KIF22: variants seen among roughly 807,000 people sequenced by gnomAD.
KIF22 encodes kinesin family member 22.
In KIF22, 62 loss-of-function variants were observed where a neutral mutation model predicts 73.0. The observed-to-expected ratio is 0.85, with a 90% CI of 0.69 to 1.05. KIF22 has a LOEUF of 1.05. KIF22 is among the 50% of genes least tolerant of loss of function. The pLI, the probability that KIF22 is intolerant of heterozygous loss-of-function variation, is 0.00. For synonymous variants in KIF22, 411 were observed against 340.1 expected (o/e 1.21, Z -2.29); for missense variants, 854 against 870.1 (o/e 0.98, Z 0.23).
rs370392084 is a variant in KIF22, at chr16:29,804,840, TGAG to T, written c.1708_1710del (p.Glu570del). The T allele has an allele frequency of 5.9e-5, 95 of 1,612,494 alleles. 1 individual carries two copies. The highest frequency in any genetic ancestry group is 7.4e-5 in the Non-Finnish European group (87 of 1,179,476). On this transcript the variant is annotated inframe_deletion, in exon 12 of 14. Coordinates refer to ENST00000160827, the MANE Select transcript of KIF22 (RefSeq NM_007317.3). ...TGGAGTCCCTGGATGCCCTAGAGCC[TGAG>T]GAGAAGGCTGAGGACTGCTGGGAGC...
chr16:29,804,316 C>T (rs976670155), intron 11 of KIF22: 1 of 604,030 alleles, frequency 1.7e-6, no homozygotes, highest in South Asian at 2.0e-5. Context: ...CTTCTACCCT[C>T]TACAAGCTTA....
rs781453696 is a variant in KIF22, at chr16:29,790,768, G to T, written c.9G>T (p.Ala3=). The part of the protein sequence containing the change: MA[A]GGSTQQRRRE... ...CCCAAGGAGGGAGTGGAATGGCCGCGGGCGGCTCGACGCAGCAGAGGCGAC... is the reference window on the plus strand; with the variant it reads ...CCCAAGGAGGGAGTGGAATGGCCGCTGGCGGCTCGACGCAGCAGAGGCGAC... The change falls in exon 1 of 14, where the codon GCG becomes GCT. Residue 3 remains alanine, a synonymous_variant. Coordinates refer to ENST00000160827, the MANE Select transcript of KIF22 (RefSeq NM_007317.3). 6.3e-7 allele frequency: 1 copy of T among 1,597,068 alleles called. No homozygotes were observed. Among genetic ancestry groups the T allele is most frequent in the African/African-American group, 1.3e-5 (1 of 74,848 alleles).
At chr16:29,792,951 G>A (rs1898855604) in intron 1 of KIF22, among the ~76,000 whole-genome samples, 1 of 152,238 alleles carries the variant, frequency 6.6e-6, no homozygotes, top group Admixed American at 6.5e-5. Flanking sequence ...AGTGCAGTGG[G>A]AGTGGAGAGA....
chr16:29,791,493 C>T (rs938848847), intron 1 of KIF22: 1 of 152,846 alleles, frequency 6.5e-6, no homozygotes, highest in African/African-American at 2.4e-5. Context: ...CCTCTCTAAC[C>T]CGGAGACTTA....
At position 29,797,198 on chromosome 16, in the gene KIF22, T is replaced by C. The variant is rs1473986541; in HGVS notation, c.266+110T>C. 2.6e-6 allele frequency: 2 copies of C among 779,404 alleles called. No individual in the cohort carries two copies. The highest frequency in any genetic ancestry group is 3.5e-5 in the African/African-American group (2 of 56,476). The allele number at this position is 779,404 out of a possible 1,614,324, so 48.3% of individuals were successfully genotyped here. A position where few individuals can be genotyped will look rare whatever the true frequency, so the allele number is the denominator to read the frequency against. ...TTGCTCCCTCCTTAGCACCGCTTTG[T>C]TCCCTGAGCCTTCACTGTTCACTTA... On this transcript the variant is annotated intron_variant, in intron 2 of 13. Coordinates refer to ENST00000160827, the MANE Select transcript of KIF22 (RefSeq NM_007317.3). The surrounding 1 kb of genome is among the most constrained non-coding windows in gnomAD (Gnocchi z 4.1).
Position 29,799,912 on chromosome 16 carries a change from G to A in KIF22, c.1145-1G>A, listed in dbSNP as rs1276583152. ...CTCCACCCCATCCTCCAATCATCTA[G>A]CCTTGGGACCTGTTAAGCTGTCTCA... On this transcript the variant is annotated splice_acceptor_variant, in intron 7 of 13. Transcript: ENST00000160827. LOFTEE classifies it high-confidence loss of function. 1 of 1,613,998 alleles carries A rather than the reference G, an allele frequency of 6.2e-7. No homozygotes were observed. Among genetic ancestry groups the A allele is most frequent in the South Asian group, 1.1e-5 (1 of 91,078 alleles).
Position 29,798,287 on chromosome 16 carries a change from A to AC in KIF22, c.267-84dup. 1.7e-6 allele frequency: 1 copy of AC among 590,652 alleles called. No individual in the cohort carries two copies. Among genetic ancestry groups the AC allele is most frequent in the Non-Finnish European group, 2.9e-6 (1 of 343,582 alleles). 36.6% of individuals were successfully genotyped at this position (590,652 alleles called of 1,614,324 possible). On this transcript the variant is annotated intron_variant, in intron 2 of 13. Coordinates refer to ENST00000160827, the MANE Select transcript of KIF22 (RefSeq NM_007317.3). This position sits in a 1 kb window ranked among gnomAD's most constrained non-coding sequence, Gnocchi z 4.1. ...GGTCCAGATGAGAGTAGAATCCCTT[A>AC]CCCACCCCCACCCCACTCCACCCCT... is the stretch of plus-strand genomic sequence containing the variant.
Position 29,798,833 on chromosome 16 carries a change from G to A in KIF22, c.549+86G>A, listed in dbSNP as rs1423721497. 1.9e-6 allele frequency: 3 copies of A among 1,558,744 alleles called. No homozygotes were observed. Among genetic ancestry groups the A allele is most frequent in the Non-Finnish European group, 2.6e-6 (3 of 1,143,618 alleles). The stretch of plus-strand genomic sequence containing the variant: ...GAACATGAAGCTCTGCTGTAGCAGG[G>A]AGGTAAGGTGAGACCTAGAAAGACA... On this transcript the variant is annotated intron_variant, in intron 4 of 13. Coordinates refer to ENST00000160827, the MANE Select transcript of KIF22 (RefSeq NM_007317.3). The surrounding 1 kb of genome is among the most constrained non-coding windows in gnomAD (Gnocchi z 4.1).
chr16:29,791,257 G>A, intron 1 of KIF22: 7 of 1,019,812 alleles, frequency 6.9e-6, no homozygotes, highest in Non-Finnish European at 8.2e-6. Context: ...GGGACATGGT[G>A]TTTGGGTGCA....
In KIF22 at chr16:29,790,911, C is replaced by T; in HGVS notation, c.70+82C>T. On this transcript the variant is annotated intron_variant, in intron 1 of 13. Coordinates refer to ENST00000160827, the MANE Select transcript of KIF22 (RefSeq NM_007317.3). The stretch of plus-strand genomic sequence containing the variant: ...TATGTGTCGGAGTGTGGTCCAGGCT[C>T]TGCGGGTTGTCGCGGAGAGGCGGCC... The T allele has an allele frequency of 2.0e-6, 3 of 1,534,734 alleles. No homozygotes were observed. In the South Asian group the frequency reaches 3.6e-5, roughly 18 times the overall value.
chr16:29,797,159 C>T lies in KIF22; in HGVS notation c.266+71C>T. ...TCCTAGGCCTGCCCACGTTCCCCTG[C>T]CTCCCCAGGATCCTTGCTCCCTCCT... is the stretch of plus-strand genomic sequence containing the variant. On this transcript the variant is annotated intron_variant, in intron 2 of 13. Coordinates refer to ENST00000160827, the MANE Select transcript of KIF22 (RefSeq NM_007317.3). This position sits in a 1 kb window ranked among gnomAD's most constrained non-coding sequence, Gnocchi z 4.1. The T allele has an allele frequency of 8.6e-7, 1 of 1,167,010 alleles. No homozygotes were observed. Among genetic ancestry groups the T allele is most frequent in the Non-Finnish European group, 1.2e-6 (1 of 823,206 alleles). 72.3% of individuals were successfully genotyped at this position (1,167,010 alleles called of 1,614,324 possible).
rs1377790280 is a variant in KIF22 at position 29,790,781 on chromosome 16, C to T, written c.22C>T (p.Gln8Ter). ...TGGAATGGCCGCGGGCGGCTCGACG[C>T]AGCAGAGGCGACGCGAGATGGCGGC... The part of the protein sequence containing the change: MAAGGST[Q>*]QRRREMAAAS... The change falls in exon 1 of 14, where the codon CAG (glutamine) becomes TAG (stop). Residue 8 changes from glutamine to a stop codon, truncating the protein, a stop_gained. Transcript: ENST00000160827. LOFTEE classifies it high-confidence loss of function. 6.2e-7 allele frequency: 1 copy of T among 1,601,564 alleles called. No individual in the cohort carries two copies. Among genetic ancestry groups the T allele is most frequent in the South Asian group, 1.1e-5 (1 of 89,116 alleles).
intron 1 of KIF22, among the ~76,000 whole-genome samples, chr16:29,793,327 C>G (rs1470545296): frequency 2.0e-5 from 3 of 152,162 alleles, no homozygotes; most frequent in African/African-American, 7.2e-5. Flanking sequence ...GTAGTCCCAG[C>G]TATTCGGGAG....
intron 8 of KIF22, among the ~76,000 whole-genome samples, chr16:29,801,562 T>C (rs1899139034): frequency 6.6e-6 from 1 of 152,116 alleles, no homozygotes; most frequent in Non-Finnish European, 1.5e-5. Context: ...ACAGGTAAGC[T>C]GTCAGACAGG....
Position 29,805,262 on chromosome 16 carries a change from G to A in KIF22, c.1951-1G>A. On this transcript the variant is annotated splice_acceptor_variant, in intron 13 of 13. Transcript: ENST00000160827. LOFTEE classifies it high-confidence loss of function. The stretch of plus-strand genomic sequence containing the variant: ...CTGTCTCCCTCCCTCCTGTGTTGCA[G>A]GCAAACATCCTGGGTCTCGCCGCCG... 6.2e-7 allele frequency: 1 copy of A among 1,614,136 alleles called. No homozygotes were observed. The highest frequency in any genetic ancestry group is 8.5e-7 in the Non-Finnish European group (1 of 1,180,040).
intron 8 of KIF22, among the ~76,000 whole-genome samples, chr16:29,802,009 G>A (rs1312299261): frequency 8.5e-5 from 13 of 152,140 alleles, no homozygotes; most frequent in African/African-American, 2.7e-4. Context: ...GCTCACACCT[G>A]TAATCCCAGC....
rs760011053 is a variant in KIF22 at position 29,799,139 on chromosome 16, G to A, written c.714G>A (p.Arg238=). 6.2e-7 allele frequency: 1 copy of A among 1,614,044 alleles called. No homozygotes were observed. The highest frequency in any genetic ancestry group is 1.1e-5 in the South Asian group (1 of 91,084). Residue 238 remains arginine, a synonymous_variant, in exon 5 of 14, where the codon CGG becomes CGA. Transcript: ENST00000160827. ...ASRNRTVGAT[R]LNQRSSRSHA... ...GAAATCGGACTGTAGGAGCCACCCG[G>A]CTCAACCAGCGCTCCTCCCGCAGTC... is the stretch of plus-strand genomic sequence containing the variant.
intron 1 of KIF22, among the ~76,000 whole-genome samples, chr16:29,794,498 A>C (rs1415849412): frequency 6.6e-6 from 1 of 152,194 alleles, no homozygotes; most frequent in Non-Finnish European, 1.5e-5. Context: ...CTGGGATTTC[A>C]ACCCAGGCCA....
chr16:29,792,353 C>T, intron 1 of KIF22: 2 of 926,586 alleles, frequency 2.2e-6, no homozygotes, highest in Non-Finnish European at 2.6e-6. Flanking sequence ...CCCCTCTTCC[C>T]TCCTACCCTG....
Sources: allele counts gnomAD v4.1 joint callset (sites outside exome capture counted in the v4.1 genomes callset), GRCh38; gene constraint gnomAD v4.1.1; non-coding constraint Gnocchi (gnomAD v3.1); transcripts MANE v1.5; gene names NCBI Gene and HGNC (gene_info 2026-07-23, HGNC 2026-07-21).